Variants in PLPP3 observed in about 807,000 individuals in gnomAD.
PLPP3 encodes PAP2 beta.
In PLPP3, 6 loss-of-function variants were observed where a neutral mutation model predicts 29.6. That is an observed-to-expected ratio of 0.20 (90% CI 0.11 to 0.40). The LOEUF (loss-of-function observed/expected upper bound fraction) is 0.40. Ranked by LOEUF, PLPP3 falls within the 10% of genes least tolerant of loss-of-function variation. The pLI is 1.00. For synonymous variants in PLPP3, 152 were observed against 159.7 expected, an observed-to-expected ratio of 0.95 and a Z score of 0.36; for missense variants, 308 against 407.7, an observed-to-expected ratio of 0.76 and a Z score of 2.11.
chr1:56,523,467 C>A (rs1449484040), intron 4 of PLPP3, among the ~76,000 whole-genome samples: 1 of 152,036 alleles, frequency 6.6e-6, no homozygotes, highest in Non-Finnish European at 1.5e-5. Flanking sequence ...GTGGTTTTTG[C>A]CATTTAAGTA....
intron 1 of PLPP3, among the ~76,000 whole-genome samples, chr1:56,557,346 C>G (rs186439429): frequency 6.6e-6 from 1 of 151,522 alleles, no homozygotes; most frequent in African/African-American, 2.4e-5. Flanking sequence ...CCACTGCACT[C>G]CAGCCTGGTG....
At chr1:56,563,711 A>G (rs376083854) in intron 1 of PLPP3, among the ~76,000 whole-genome samples, 1 of 152,240 alleles carries the variant, frequency 6.6e-6, no homozygotes, top group African/African-American at 2.4e-5. Context: ...CCAACCCATC[A>G]ATGAGGATTG....
intron 1 of PLPP3, among the ~76,000 whole-genome samples, chr1:56,568,365 C>G (rs1036094144): frequency 6.6e-6 from 1 of 152,124 alleles, no homozygotes; most frequent in Non-Finnish European, 1.5e-5. Flanking sequence ...CATTGCAACC[C>G]AGGAAAAACC....
chr1:56,561,285 A>C (rs958904961), intron 1 of PLPP3, among the ~76,000 whole-genome samples: 1 of 152,076 alleles, frequency 6.6e-6, no homozygotes, highest in Non-Finnish European at 1.5e-5. Flanking sequence ...TTGTTAAACA[A>C]GTTCAAAATA....
chr1:56,525,298 T>C (rs754844555), intron 2 of PLPP3, among the ~76,000 whole-genome samples: 3 of 152,174 alleles, frequency 2.0e-5, no homozygotes, highest in Non-Finnish European at 4.4e-5. Context: ...ACTAAGAAAC[T>C]TGTAGTACGA....
At chr1:56,567,611 A>G (rs1646170297) in intron 1 of PLPP3, among the ~76,000 whole-genome samples, 1 of 151,844 alleles carries the variant, frequency 6.6e-6, no homozygotes, top group Non-Finnish European at 1.5e-5. Flanking sequence ...GTTAGCCAGG[A>G]TGGTCTCAAT....
At chr1:56,566,412 T>C (rs1646162384) in intron 1 of PLPP3, among the ~76,000 whole-genome samples, 1 of 152,198 alleles carries the variant, frequency 6.6e-6, no homozygotes. Flanking sequence ...ACCTCCGTTC[T>C]GTAAAATGGA....
intron 1 of PLPP3, among the ~76,000 whole-genome samples, chr1:56,571,222 G>C (rs957380088): frequency 6.6e-5 from 10 of 152,184 alleles, no homozygotes; most frequent in African/African-American, 2.2e-4. Flanking sequence ...TGTGAACCAA[G>C]GGCATTGACT....
chr1:56,529,464 A>G (rs1445207193), intron 2 of PLPP3, among the ~76,000 whole-genome samples: 2 of 152,206 alleles, frequency 1.3e-5, no homozygotes, highest in African/African-American at 4.8e-5. Context: ...TCTCGGTTAC[A>G]TGAATTGATG....
chr1:56,548,244 T>C (rs1646018014), intron 1 of PLPP3, among the ~76,000 whole-genome samples: 1 of 152,234 alleles, frequency 6.6e-6, no homozygotes, highest in Non-Finnish European at 1.5e-5. Flanking sequence ...ACAGAAACTT[T>C]CTTCAAATCT....
chr1:56,551,336 A>G (rs922577847), intron 1 of PLPP3, among the ~76,000 whole-genome samples: 4 of 108,006 alleles, frequency 3.7e-5, no homozygotes, highest in Non-Finnish European at 6.3e-5. Context: ...GTGGTGTGCA[A>G]TTAGCAGACC....
At chr1:56,536,370 C>G (rs3927762) in intron 2 of PLPP3, among the ~76,000 whole-genome samples, 14,574 of 152,182 alleles carry the variant, frequency 0.096, 877 homozygotes, top group South Asian at 0.17. Context: ...GAAACTACTG[C>G]CAAATGGACT....
At chr1:56,527,412 T>C (rs986355474) in intron 2 of PLPP3, among the ~76,000 whole-genome samples, 3 of 152,176 alleles carry the variant, frequency 2.0e-5, no homozygotes, top group African/African-American at 7.2e-5. Context: ...TTCTGAAGGA[T>C]TTGAGGCCAG....
chr1:56,528,024 T>C lies in PLPP3; in HGVS notation c.298-3470A>G, dbSNP rs192113089. Among the ~76,000 whole-genome samples the C allele has an allele frequency of 2.0e-5, 3 of 152,266 alleles. No individual in the cohort carries two copies. In the East Asian group the frequency reaches 5.8e-4, roughly 29 times the overall value. On this transcript the variant is annotated intron_variant, in intron 2 of 5. Coordinates refer to ENST00000371250, the MANE Select transcript of PLPP3 (RefSeq NM_003713.5). ...CAGACTCCTGCCCCTAGAGCCCTCATTTCTGCCTCAGTCAGCAAGGTTCTG... is the reference window on the plus strand; with the variant it reads ...CAGACTCCTGCCCCTAGAGCCCTCACTTCTGCCTCAGTCAGCAAGGTTCTG...
intron 1 of PLPP3, among the ~76,000 whole-genome samples, chr1:56,563,965 T>C (rs919444726): frequency 6.6e-6 from 1 of 152,264 alleles, no homozygotes; most frequent in Admixed American, 6.5e-5. Flanking sequence ...CAAAAGACTT[T>C]AAACTTCAAG....
At chr1:56,577,922 C>T (rs1303609880) in intron 1 of PLPP3, among the ~76,000 whole-genome samples, 7 of 148,454 alleles carry the variant, frequency 4.7e-5, no homozygotes, top group Non-Finnish European at 7.4e-5. Context: ...CCATGATTCG[C>T]TTTAAAAAAA....
intron 1 of PLPP3, among the ~76,000 whole-genome samples, chr1:56,569,553 A>G (rs1468476099): frequency 6.6e-6 from 1 of 152,214 alleles, no homozygotes; most frequent in Non-Finnish European, 1.5e-5. Flanking sequence ...TGGAGTTACC[A>G]TAGGACCCAG....
rs191729490 is a variant in PLPP3, at chr1:56,567,546, C to T, written c.139+11332G>A. Among the ~76,000 whole-genome samples, 88 of 151,970 alleles carry T rather than the reference C, an allele frequency of 5.8e-4. No homozygotes were observed. In the East Asian group the frequency reaches 0.011, roughly 20 times the overall value. On this transcript the variant is annotated intron_variant, in intron 1 of 5. Transcript: ENST00000371250. ...CCACGTAGCTGGGACTACAGGTACC[C>T]GCCACCACACCTGGCTAATTTTTTG...
At chr1:56,543,607 A>AAGTGTG (rs1645984059) in intron 1 of PLPP3, among the ~76,000 whole-genome samples, 1 of 152,208 alleles carries the variant, frequency 6.6e-6, no homozygotes. Context: ...CTGGTCTTAG[A>AAGTGTG]AGTGTGCAAA....
Sources: gnomAD v4.1 joint callset for allele counts (sites outside exome capture counted in the v4.1 genomes callset) on GRCh38, gnomAD v4.1.1 for gene constraint, MANE v1.5 for transcripts, NCBI Gene and HGNC (gene_info 2026-07-23, HGNC 2026-07-21) for gene names.